The following LSM6 variants were observed in gnomAD, a reference collection of about 807,000 sequenced individuals.
LSM6 encodes U6 snRNA-associated Sm-like protein LSm6.
A neutral mutation model predicts 13.5 loss-of-function variants in LSM6; 2 were observed. The observed-to-expected ratio is 0.15, with a 90% CI of 0.06 to 0.47. LSM6 has a LOEUF of 0.47. Ranked by LOEUF, LSM6 falls within the 20% of genes least tolerant of loss-of-function variation. The pLI is 0.97. For missense variants in LSM6, 58 were observed against 96.4 expected, an observed-to-expected ratio of 0.60 and a Z score of 1.67; for synonymous variants, 43 against 34.9, an observed-to-expected ratio of 1.23 and a Z score of -0.82.
intron 3 of LSM6, among the ~76,000 whole-genome samples, chr4:146,188,524 A>G (rs1730396652): frequency 6.6e-6 from 1 of 152,188 alleles, no homozygotes; most frequent in Non-Finnish European, 1.5e-5. Flanking sequence ...TGGCTCTTAA[A>G]GAGGATCTTG....
Position 146,189,617 on chromosome 4 carries a change from T to G in LSM6, c.209-5T>G. On this transcript the variant is annotated splice_polypyrimidine_tract_variant and splice_region_variant and intron_variant, in intron 3 of 3. Transcript: ENST00000296581. ...ATTTCAATTTATGTATTTTTTTCTTTTCAGTGTTGTACATCAGTACACAGA... is the reference window on the plus strand; with the variant it reads ...ATTTCAATTTATGTATTTTTTTCTTGTCAGTGTTGTACATCAGTACACAGA... The G allele has an allele frequency of 6.3e-7, 1 of 1,587,470 alleles. No homozygotes were observed. Among genetic ancestry groups the G allele is most frequent in the Non-Finnish European group, 8.6e-7 (1 of 1,162,466 alleles).
chr4:146,178,876 T>C (rs945598441), intron 1 of LSM6, among the ~76,000 whole-genome samples: 2 of 152,252 alleles, frequency 1.3e-5, no homozygotes, highest in Non-Finnish European at 2.9e-5. Flanking sequence ...AGGGCAGCTG[T>C]ACCTGTGAAA....
intron 2 of LSM6, among the ~76,000 whole-genome samples, chr4:146,185,683 T>C (rs1730333109): frequency 6.6e-6 from 1 of 151,652 alleles, no homozygotes; most frequent in Non-Finnish European, 1.5e-5. Context: ...GTTTGTTTGT[T>C]TTTGCCTTTG....
rs761017103 is a variant in LSM6 at position 146,187,401 on chromosome 4, G to A, written c.208+14G>A. 2.7e-5 allele frequency: 39 copies of A among 1,462,772 alleles called. No individual in the cohort carries two copies. The highest frequency in any genetic ancestry group is 4.6e-5 in the South Asian group (4 of 87,818). The allele number at this position is 1,462,772 out of a possible 1,614,324, so 90.6% of individuals were successfully genotyped here. A position where few individuals can be genotyped will look rare whatever the true frequency, so the allele number is the denominator to read the frequency against. On this transcript the variant is annotated intron_variant, in intron 3 of 3. Coordinates refer to ENST00000296581, the MANE Select transcript of LSM6 (RefSeq NM_007080.3). The stretch of plus-strand genomic sequence containing the variant: ...GAGGAAACAATGGTAACATTTCTTC[G>A]CCCTACAGTACAGCATTCAAAATAA...
rs1382859874 is a variant in LSM6, at chr4:146,190,311, C to T, written c.*655C>T. On this transcript the variant is annotated 3_prime_UTR_variant, in exon 4 of 4. Transcript: ENST00000296581. ...AGGAGAAAGCCCTCCTGTCAGTGGT[C>T]CCCCTGCATCTCCTTATGCAATTAG... The T allele has an allele frequency of 6.6e-6, 1 of 152,340 alleles. No homozygotes were observed. The highest frequency in any genetic ancestry group is 1.9e-4 in the East Asian group (1 of 5,202). The allele number at this position is 152,340 out of a possible 1,614,324, so 9.4% of individuals were successfully genotyped here.
intron 1 of LSM6, among the ~76,000 whole-genome samples, chr4:146,182,573 A>G (rs888983764): frequency 6.6e-6 from 1 of 152,252 alleles, no homozygotes; most frequent in East Asian, 1.9e-4. Context: ...GGAAGTGGTA[A>G]TGGTTGTAAT....
chr4:146,185,054 A>G (rs1056437517), intron 2 of LSM6, among the ~76,000 whole-genome samples: 11 of 152,116 alleles, frequency 7.2e-5, no homozygotes, highest in African/African-American at 9.7e-5. Flanking sequence ...CTGTTAACCA[A>G]TTTCCTATTA....
chr4:146,179,661 A>G (rs1578676631), intron 1 of LSM6, among the ~76,000 whole-genome samples: 1 of 152,208 alleles, frequency 6.6e-6, no homozygotes, highest in Non-Finnish European at 1.5e-5. Context: ...GAGGGAGAAA[A>G]GACCCACATA....
At chr4:146,176,493 T>C (rs943047397) in intron 1 of LSM6, 3 of 152,236 alleles carry the variant, frequency 2.0e-5, no homozygotes, top group African/African-American at 7.2e-5. Context: ...TAGTAATACG[T>C]GACTATTGTA....
At position 146,183,079 on chromosome 4, in the gene LSM6, T is replaced by C. The variant is rs1032278786; in HGVS notation, c.94+64T>C. On this transcript the variant is annotated intron_variant, in intron 2 of 3. Coordinates refer to ENST00000296581, the MANE Select transcript of LSM6 (RefSeq NM_007080.3). ...ATAAGTAAATGTGACTTACTGATAT[T>C]TATTAACCTCTTAAGTATACCCAAT... The C allele has an allele frequency of 3.1e-5, 37 of 1,205,368 alleles. No homozygotes were observed. The South Asian group carries it at 4.3e-4, about 14-fold the overall frequency. The allele number at this position is 1,205,368 out of a possible 1,614,324, so 74.7% of individuals were successfully genotyped here.
In LSM6 at chr4:146,187,401, G is replaced by T. The variant is rs761017103; in HGVS notation, c.208+14G>T. On this transcript the variant is annotated intron_variant, in intron 3 of 3. Coordinates refer to ENST00000296581, the MANE Select transcript of LSM6 (RefSeq NM_007080.3). ...GAGGAAACAATGGTAACATTTCTTC[G>T]CCCTACAGTACAGCATTCAAAATAA... is the stretch of plus-strand genomic sequence containing the variant. 1.4e-5 allele frequency: 20 copies of T among 1,462,780 alleles called. No homozygotes were observed. Among genetic ancestry groups the T allele is most frequent in the Non-Finnish European group, 1.9e-5 (20 of 1,042,498 alleles). 90.6% of individuals were successfully genotyped at this position (1,462,780 alleles called of 1,614,324 possible).
Position 146,190,474 on chromosome 4 carries a change from A to G in LSM6, c.*818A>G, listed in dbSNP as rs571135158. 1 of 152,380 alleles carries G rather than the reference A, an allele frequency of 6.6e-6. No individual in the cohort carries two copies. The highest frequency in any genetic ancestry group is 2.4e-5 in the African/African-American group (1 of 41,580). The allele number at this position is 152,380 out of a possible 1,614,324, so 9.4% of individuals were successfully genotyped here. On this transcript the variant is annotated 3_prime_UTR_variant, in exon 4 of 4. Transcript: ENST00000296581. The stretch of plus-strand genomic sequence containing the variant: ...AAAGCAAAGCCTAGAGTTTGTAAAC[A>G]TAATTCAGGTTCTAATTGCCGAGCT...
At position 146,189,759 on chromosome 4, in the gene LSM6, A is replaced by G; in HGVS notation, c.*103A>G. ...ATACAATTTGTCCTCTTTTTATAAT[A>G]GTTGGTGATTTTTCACTGACATGTG... On this transcript the variant is annotated 3_prime_UTR_variant, in exon 4 of 4. Coordinates refer to ENST00000296581, the MANE Select transcript of LSM6 (RefSeq NM_007080.3). 1 of 771,410 alleles carries G rather than the reference A, an allele frequency of 1.3e-6. No individual in the cohort carries two copies. The highest frequency in any genetic ancestry group is 2.2e-6 in the Non-Finnish European group (1 of 461,954). The allele number at this position is 771,410 out of a possible 1,614,324, so 47.8% of individuals were successfully genotyped here.
At chr4:146,178,529 T>C (rs1472787244) in intron 1 of LSM6, among the ~76,000 whole-genome samples, 2 of 152,252 alleles carry the variant, frequency 1.3e-5, no homozygotes, top group Non-Finnish European at 2.9e-5. Context: ...TCTATTAGTC[T>C]AGTGCTGCAA....
chr4:146,176,522 A>C (rs1218129028), intron 1 of LSM6: 11 of 152,258 alleles, frequency 7.2e-5, no homozygotes, highest in Non-Finnish European at 1.2e-4. Context: ...CAAACATAGA[A>C]GACTTTAGTG....
intron 1 of LSM6, among the ~76,000 whole-genome samples, chr4:146,182,657 C>G (rs993405444): frequency 2.0e-5 from 3 of 152,230 alleles, no homozygotes; most frequent in Non-Finnish European, 2.9e-5. Flanking sequence ...ACAGGACTTT[C>G]CCTAATGAGA....
chr4:146,189,640 A>C lies in LSM6; in HGVS notation c.227A>C (p.Gln76Pro). ...RGNNVLYIST[Q>P]KRRM ...TTTTCAGTGTTGTACATCAGTACACAGAAGAGACGGATGTGAAGACACCAA... is the reference window on the plus strand; with the variant it reads ...TTTTCAGTGTTGTACATCAGTACACCGAAGAGACGGATGTGAAGACACCAA... The change falls in exon 4 of 4, where the codon CAG becomes CCG. Residue 76 changes from glutamine (Q) to proline (P), a missense_variant. By Grantham distance (76) the Gln-to-Pro change is moderately conservative. Coordinates refer to ENST00000296581, the MANE Select transcript of LSM6 (RefSeq NM_007080.3). 2 of 1,602,436 alleles carry C rather than the reference A, an allele frequency of 1.2e-6. No homozygotes were observed. The highest frequency in any genetic ancestry group is 1.7e-6 in the Non-Finnish European group (2 of 1,173,716).
At position 146,189,692 on chromosome 4, in the gene LSM6, A is replaced by G; in HGVS notation, c.*36A>G. The G allele has an allele frequency of 1.9e-6, 3 of 1,539,150 alleles. No homozygotes were observed. The East Asian group carries it at 6.8e-5, about 35-fold the overall frequency. Reference sequence around the variant, plus strand: ...AGAGCAACGCTTTTCATAGTTGGATATATTTTTTTATGAATTTTTTCTAAT... The same window carrying G: ...AGAGCAACGCTTTTCATAGTTGGATGTATTTTTTTATGAATTTTTTCTAAT... On this transcript the variant is annotated 3_prime_UTR_variant, in exon 4 of 4. Coordinates refer to ENST00000296581, the MANE Select transcript of LSM6 (RefSeq NM_007080.3).
chr4:146,188,829 A>G lies in LSM6; in HGVS notation c.209-793A>G, dbSNP rs1730404135. ...TGGTATCATTAAAAAATAAAAATAAAAAATAAACTCCTTAGCTCTTGTTTA... is the reference window on the plus strand; with the variant it reads ...TGGTATCATTAAAAAATAAAAATAAGAAATAAACTCCTTAGCTCTTGTTTA... On this transcript the variant is annotated intron_variant, in intron 3 of 3. Transcript: ENST00000296581. Among the ~76,000 whole-genome samples the G allele has an allele frequency of 2.0e-5, 3 of 151,072 alleles. No homozygotes were observed. The South Asian group carries it at 6.3e-4, about 32-fold the overall frequency.
Sources: gnomAD v4.1 joint callset for allele counts (sites outside exome capture counted in the v4.1 genomes callset) on GRCh38, gnomAD v4.1.1 for gene constraint, MANE v1.5 for transcripts, NCBI Gene and HGNC (gene_info 2026-07-23, HGNC 2026-07-21) for gene names.